The following PARD3B variants were observed in gnomAD, a reference collection of about 807,000 sequenced individuals.
PARD3B encodes the protein partitioning defective 3 homolog B.
Under a neutral mutation model 130.2 loss-of-function variants are expected in PARD3B, and 103 were observed. The ratio of observed to expected loss-of-function variants is 0.79; its 90% CI spans 0.67 to 0.93. The LOEUF (loss-of-function observed/expected upper bound fraction) is 0.93. Among genes scored for constraint, PARD3B ranks in the 40% least tolerant of loss-of-function variants. PARD3B has a pLI of 0.00. For synonymous variants in PARD3B, 583 were observed against 553.2 expected (o/e 1.05, Z -0.76); for missense variants, 1,609 against 1,499.2 (o/e 1.07, Z -1.21).
intron 1 of PARD3B, among the ~76,000 whole-genome samples, chr2:204,562,897 GTC>G (rs2031411319): frequency 6.7e-6 from 1 of 149,834 alleles, no homozygotes; most frequent in Non-Finnish European, 1.5e-5. Flanking sequence ...TTTCACTTTT[GTC>G]TGTGGCTGAG....
At chr2:204,650,486 T>C (rs1313365641) in intron 1 of PARD3B, among the ~76,000 whole-genome samples, 2 of 152,110 alleles carry the variant, frequency 1.3e-5, no homozygotes, top group Non-Finnish European at 2.9e-5. Context: ...AGCAAAGACA[T>C]GGAATCAACC....
intron 20 of PARD3B, among the ~76,000 whole-genome samples, chr2:205,453,898 A>G (rs1295518145): frequency 6.6e-6 from 1 of 152,192 alleles, no homozygotes; most frequent in Non-Finnish European, 1.5e-5. Flanking sequence ...TTCTCAGAGT[A>G]GATTGCAGTC....
chr2:204,883,080 G>A (rs1047200678), intron 2 of PARD3B, among the ~76,000 whole-genome samples: 4 of 151,932 alleles, frequency 2.6e-5, no homozygotes, highest in African/African-American at 9.7e-5. Context: ...ATAAAAATTT[G>A]TATGTTTTCT....
At chr2:205,378,622 A>G (rs1391382048) in intron 18 of PARD3B, among the ~76,000 whole-genome samples, 1 of 147,408 alleles carries the variant, frequency 6.8e-6, no homozygotes, top group East Asian at 2.0e-4. Context: ...GAAAAGAGAC[A>G]TGATTTTTTT....
At chr2:205,515,631 C>G (rs2050764864) in intron 21 of PARD3B, among the ~76,000 whole-genome samples, 1 of 151,526 alleles carries the variant, frequency 6.6e-6, no homozygotes, top group Non-Finnish European at 1.5e-5. Flanking sequence ...CTATTCATGT[C>G]CTTTTTAATG....
chr2:204,783,106 T>G (rs999142822), intron 2 of PARD3B, among the ~76,000 whole-genome samples: 1 of 152,114 alleles, frequency 6.6e-6, no homozygotes, highest in Non-Finnish European at 1.5e-5. Flanking sequence ...CTGGAAGAAT[T>G]TCAACTGACT....
At chr2:204,789,655 A>G (rs2042130958) in intron 2 of PARD3B, among the ~76,000 whole-genome samples, 1 of 152,170 alleles carries the variant, frequency 6.6e-6, no homozygotes, top group Non-Finnish European at 1.5e-5. Flanking sequence ...TGAAAATTAA[A>G]TGTTTAAACT....
intron 22 of PARD3B, among the ~76,000 whole-genome samples, chr2:205,609,009 A>G (rs1364720464): frequency 1.3e-5 from 2 of 152,166 alleles, no homozygotes; most frequent in Non-Finnish European, 1.5e-5. Context: ...TCATAACACA[A>G]TGGGAAATGT....
At chr2:205,464,234 C>A (rs1575086618) in intron 20 of PARD3B, among the ~76,000 whole-genome samples, 1 of 152,018 alleles carries the variant, frequency 6.6e-6, no homozygotes, top group African/African-American at 2.4e-5. Flanking sequence ...AGGTACCATA[C>A]TGTAAAAATA....
At chr2:205,132,216 T>C (rs953806177) in intron 10 of PARD3B, among the ~76,000 whole-genome samples, 4 of 152,200 alleles carry the variant, frequency 2.6e-5, no homozygotes, top group African/African-American at 9.7e-5. Context: ...GAAGAAAATA[T>C]TGTGGTAGAA....
chr2:205,379,123 A>C (rs2045202938), intron 18 of PARD3B, among the ~76,000 whole-genome samples: 1 of 152,138 alleles, frequency 6.6e-6, no homozygotes, highest in African/African-American at 2.4e-5. Context: ...ACAGACTTTG[A>C]TTGAAAAATT....
At chr2:204,930,182 T>C (rs1687922594) in intron 2 of PARD3B, among the ~76,000 whole-genome samples, 1 of 151,966 alleles carries the variant, frequency 6.6e-6, no homozygotes. Context: ...TAAAAAACCC[T>C]GTGTTCATTT....
At chr2:205,489,307 A>T (rs2049574027) in intron 20 of PARD3B, among the ~76,000 whole-genome samples, 1 of 151,888 alleles carries the variant, frequency 6.6e-6, no homozygotes, top group Admixed American at 6.6e-5. Context: ...AGGCTCAAAA[A>T]TATTGCACTG....
chr2:204,654,963 T>C (rs2035595714), intron 1 of PARD3B, among the ~76,000 whole-genome samples: 1 of 152,170 alleles, frequency 6.6e-6, no homozygotes, highest in Admixed American at 6.5e-5. Flanking sequence ...AAGAGGATCT[T>C]GAAATCTACT....
rs2105896073 is a variant in PARD3B at position 205,366,624 on chromosome 2, A to G, written c.2631-34389A>G. Among the ~76,000 whole-genome samples, 1 of 152,314 alleles carries G rather than the reference A, an allele frequency of 6.6e-6. No individual in the cohort carries two copies. Among genetic ancestry groups the G allele is most frequent in the African/African-American group, 2.4e-5 (1 of 41,568 alleles). ...ATCTTATCATGCTACCTGTCAGCAT[A>G]CAGATGACACTCAAATCTGTCTCCT... On this transcript the variant is annotated intron_variant, in intron 18 of 22. Transcript: ENST00000406610. This position sits in a 1 kb window ranked among gnomAD's most constrained non-coding sequence, Gnocchi z 5.0.
rs60298501 is a variant in PARD3B, at chr2:204,764,715, C to CATGTGTGT, written c.222+78433_222+78434insATGTGTGT. ...CAGCAGGCTGAATCTGGCATGCATG[C>CATGTGTGT]GTGTGTGTGTGTGTGTGTGTGTGTG... On this transcript the variant is annotated intron_variant, in intron 2 of 22. Transcript: ENST00000406610. Among the ~76,000 whole-genome samples the CATGTGTGT allele has an allele frequency of 4.8e-5, 7 of 145,644 alleles. No homozygotes were observed. In the South Asian group the frequency reaches 1.3e-3, roughly 28 times the overall value.
intron 21 of PARD3B, among the ~76,000 whole-genome samples, chr2:205,503,384 T>G (rs531876960): frequency 1.3e-5 from 2 of 150,954 alleles, no homozygotes; most frequent in South Asian, 4.2e-4. Flanking sequence ...GCTGACATAC[T>G]TTGTTCTTTT....
At chr2:204,618,754 G>C (rs181231351) in intron 1 of PARD3B, among the ~76,000 whole-genome samples, 96 of 152,228 alleles carry the variant, frequency 6.3e-4, no homozygotes, top group African/African-American at 2.3e-3. Flanking sequence ...AAGTAGCAGA[G>C]AAGAAAGGAA....
rs926891141 is a variant in PARD3B at position 205,011,430 on chromosome 2, A to G, written c.395-36151A>G. 6.6e-6 allele frequency among the ~76,000 whole-genome samples: 1 copy of G among 152,112 alleles called. No individual in the cohort carries two copies. Among genetic ancestry groups the G allele is most frequent in the Non-Finnish European group, 1.5e-5 (1 of 68,020 alleles). The stretch of plus-strand genomic sequence containing the variant: ...ATGGCAGCTGCATCCCCTCAGAACA[A>G]GTGACTCGAGAGAGAAATTAAGAGG... On this transcript the variant is annotated intron_variant, in intron 3 of 22. Transcript: ENST00000406610. The surrounding 1 kb of genome is among the most constrained non-coding windows in gnomAD (Gnocchi z 4.1).
Sources: gnomAD v4.1 joint callset for allele counts (sites outside exome capture counted in the v4.1 genomes callset) on GRCh38, gnomAD v4.1.1 for gene constraint, Gnocchi (gnomAD v3.1) non-coding constraint, MANE v1.5 for transcripts, NCBI Gene and HGNC (gene_info 2026-07-23, HGNC 2026-07-21) for gene names.